UNC13C: variants seen among roughly 807,000 people sequenced by gnomAD.
UNC13C encodes protein unc-13 homolog C.
In UNC13C, 174 loss-of-function variants were observed where a neutral mutation model predicts 245.4. The ratio of observed to expected loss-of-function variants is 0.71; its 90% CI spans 0.63 to 0.80. UNC13C has a LOEUF of 0.80. Among genes scored for constraint, UNC13C ranks in the 30% least tolerant of loss-of-function variants. UNC13C has a pLI of 0.00. For synonymous variants in UNC13C, 992 were observed against 895.1 expected (o/e 1.11, Z -1.93); for missense variants, 2,829 against 2,602.9 (o/e 1.09, Z -1.89).
intron 28 of UNC13C, among the ~76,000 whole-genome samples, chr15:54,554,392 C>A (rs183954660): frequency 4.6e-5 from 7 of 151,992 alleles, no homozygotes; most frequent in African/African-American, 1.7e-4. Context: ...AAATTGAGCC[C>A]ATGTTCCACT....
intron 18 of UNC13C, among the ~76,000 whole-genome samples, chr15:54,410,905 A>G (rs1375117923): frequency 6.6e-6 from 1 of 152,140 alleles, no homozygotes; most frequent in African/African-American, 2.4e-5. Flanking sequence ...TCATTTGCCA[A>G]ACTGCTTTCC....
At chr15:54,555,980 A>G (rs1897072748) in intron 29 of UNC13C, among the ~76,000 whole-genome samples, 1 of 152,064 alleles carries the variant, frequency 6.6e-6, no homozygotes, top group South Asian at 2.1e-4. Context: ...CAATAATTTC[A>G]TTTCATTTTC....
intron 4 of UNC13C, among the ~76,000 whole-genome samples, chr15:54,146,039 A>G (rs1281443090): frequency 6.6e-6 from 1 of 152,144 alleles, no homozygotes; most frequent in Non-Finnish European, 1.5e-5. Flanking sequence ...TCATCAAGAG[A>G]ATTTGTCATT....
intron 16 of UNC13C, 28 bp downstream of exon 16, chr15:54,333,884 T>G: frequency 6.6e-7 from 1 of 1,512,662 alleles, no homozygotes; most frequent in South Asian, 1.2e-5. Context: ...TGTCACTGTT[T>G]TGTTGTGACA....
chr15:54,437,845 T>A (rs1189212748), intron 19 of UNC13C, among the ~76,000 whole-genome samples: 1 of 151,944 alleles, frequency 6.6e-6, no homozygotes, highest in Non-Finnish European at 1.5e-5. Flanking sequence ...TTGAAATCCA[T>A]GAAATTAAAA....
At chr15:53,970,641 G>T in the UNC13C span, among the ~76,000 whole-genome samples, 3 of 152,086 alleles carry the variant, frequency 2.0e-5, no homozygotes, top group Admixed American at 6.6e-5. Context: ...AGAACAGATG[G>T]ACACATGGGG....
intron 17 of UNC13C, among the ~76,000 whole-genome samples, chr15:54,380,959 G>C (rs886866173): frequency 3.9e-5 from 6 of 152,010 alleles, no homozygotes; most frequent in Admixed American, 3.3e-4. Flanking sequence ...CAAAGTTTTT[G>C]TTTAGTGTAA....
chr15:54,110,821 C>T (rs972137305), intron 2 of UNC13C, among the ~76,000 whole-genome samples: 1 of 152,066 alleles, frequency 6.6e-6, no homozygotes, highest in Non-Finnish European at 1.5e-5. Context: ...ATAGAAATCA[C>T]CAAACAGAGG....
intron 24 of UNC13C, among the ~76,000 whole-genome samples, chr15:54,521,629 G>C (rs1350411362): frequency 6.6e-6 from 1 of 152,154 alleles, no homozygotes. Flanking sequence ...CATGCAGTGT[G>C]GGTATGGTAA....
chr15:53,905,915 A>C, the UNC13C span, among the ~76,000 whole-genome samples: 1 of 152,222 alleles, frequency 6.6e-6, no homozygotes, highest in South Asian at 2.1e-4. Flanking sequence ...CTTTTATCAT[A>C]CTAAGCAGAT....
At chr15:54,117,456 A>T (rs918623803) in intron 2 of UNC13C, among the ~76,000 whole-genome samples, 2 of 149,182 alleles carry the variant, frequency 1.3e-5, no homozygotes, top group Non-Finnish European at 3.0e-5. Context: ...GTTGTATATG[A>T]TGTGAGGTAG....
intron 4 of UNC13C, among the ~76,000 whole-genome samples, chr15:54,152,559 G>C (rs1000817459): frequency 1.3e-5 from 2 of 152,068 alleles, no homozygotes; most frequent in Non-Finnish European, 2.9e-5. Flanking sequence ...AGATATTCTT[G>C]AGTTTGAAGA....
chr15:54,410,238 C>G (rs544214831), intron 18 of UNC13C, among the ~76,000 whole-genome samples: 1 of 151,938 alleles, frequency 6.6e-6, no homozygotes, highest in African/African-American at 2.4e-5. Flanking sequence ...TGTTTTTGCA[C>G]GTTGACTTAA....
intron 13 of UNC13C, among the ~76,000 whole-genome samples, chr15:54,303,729 G>A (rs1357387433): frequency 2.6e-5 from 4 of 151,634 alleles, no homozygotes; most frequent in African/African-American, 7.3e-5. Flanking sequence ...TGTGCCCAAG[G>A]TGGTCGGGGC....
At chr15:54,123,242 T>G (rs1221074807) in intron 2 of UNC13C, among the ~76,000 whole-genome samples, 1 of 151,930 alleles carries the variant, frequency 6.6e-6, no homozygotes, top group African/African-American at 2.4e-5. Context: ...TATATTCTCT[T>G]GTACAGTCTC....
At chr15:54,009,883 A>C (rs944050932) in intron 1 of UNC13C, among the ~76,000 whole-genome samples, 3 of 152,116 alleles carry the variant, frequency 2.0e-5, no homozygotes, top group Non-Finnish European at 4.4e-5. Context: ...GGATCAAGGG[A>C]CTGTGCTGAA....
At chr15:54,072,699 G>C (rs1898387323) in intron 2 of UNC13C, among the ~76,000 whole-genome samples, 1 of 152,122 alleles carries the variant, frequency 6.6e-6, no homozygotes, top group African/African-American at 2.4e-5. Flanking sequence ...GGAACTCTTA[G>C]GAGAATTTTG....
intron 2 of UNC13C, among the ~76,000 whole-genome samples, chr15:54,073,878 T>A (rs1898457004): frequency 1.3e-5 from 2 of 152,076 alleles, no homozygotes; most frequent in African/African-American, 4.8e-5. Flanking sequence ...AGCTCTTTCA[T>A]TTAATTAGAT....
At chr15:54,258,137 A>G (rs937118874) in intron 8 of UNC13C, among the ~76,000 whole-genome samples, 2 of 151,750 alleles carry the variant, frequency 1.3e-5, no homozygotes, top group African/African-American at 4.8e-5. Flanking sequence ...CATCAGTCTC[A>G]AATGCAGGTA....
Sources: allele counts gnomAD v4.1 joint callset (sites outside exome capture counted in the v4.1 genomes callset), GRCh38; gene constraint gnomAD v4.1.1; transcripts MANE v1.5; gene names NCBI Gene and HGNC (gene_info 2026-07-23, HGNC 2026-07-21).